DAB1: variants seen among roughly 807,000 people sequenced by gnomAD.
DAB1 encodes disabled homolog 1.
A neutral mutation model predicts 64.6 loss-of-function variants in DAB1; 15 were observed. The observed-to-expected ratio is 0.23, with a 90% CI of 0.16 to 0.36. DAB1 has a LOEUF of 0.36. Among genes scored for constraint, DAB1 ranks in the 10% least tolerant of loss-of-function variants. The pLI is 1.00. For synonymous variants in DAB1, 235 were observed against 251.9 expected (o/e 0.93, Z 0.64); for missense variants, 596 against 706.7 (o/e 0.84, Z 1.78).
chr1:57,639,691 C>G (rs1220646236), intron 7 of DAB1, among the ~76,000 whole-genome samples: 3 of 152,246 alleles, frequency 2.0e-5, no homozygotes, highest in African/African-American at 7.2e-5. Context: ...TCATGCTCAG[C>G]ACTGGGGGTG....
At chr1:57,537,555 C>G (rs1393723975) in intron 7 of DAB1, among the ~76,000 whole-genome samples, 1 of 151,948 alleles carries the variant, frequency 6.6e-6, no homozygotes. Flanking sequence ...AGGGAAAGAG[C>G]CCAGACTTTT....
intron 1 of DAB1, among the ~76,000 whole-genome samples, chr1:58,535,076 C>T (rs1326287370): frequency 1.3e-5 from 2 of 152,138 alleles, no homozygotes; most frequent in Non-Finnish European, 2.9e-5. Context: ...CCAAAATAGA[C>T]ATTTCATTAA....
intron 5 of DAB1, among the ~76,000 whole-genome samples, chr1:58,067,804 G>A (rs12239953): frequency 1.3e-5 from 2 of 152,182 alleles, no homozygotes; most frequent in Admixed American, 6.5e-5. Flanking sequence ...TACAATGAGT[G>A]GGGGGTAATG....
chr1:57,489,637 A>G (rs975345896), intron 7 of DAB1, among the ~76,000 whole-genome samples: 2 of 151,664 alleles, frequency 1.3e-5, no homozygotes, highest in African/African-American at 4.9e-5. Flanking sequence ...ACAGTGTCTA[A>G]CCCAGGGCCT....
intron 5 of DAB1, among the ~76,000 whole-genome samples, chr1:58,117,667 G>A (rs1652420212): frequency 6.6e-6 from 1 of 152,098 alleles, no homozygotes; most frequent in Non-Finnish European, 1.5e-5. Context: ...ATATAGTCCT[G>A]AAGGCAAGTT....
chr1:58,545,800 C>CA (rs1225087266), intron 1 of DAB1, among the ~76,000 whole-genome samples: 1 of 152,026 alleles, frequency 6.6e-6, no homozygotes, highest in East Asian at 1.9e-4. Flanking sequence ...GTCAGATTGG[C>CA]AAAAATAGGA....
Position 57,015,022 on chromosome 1 carries a change from G to A in DAB1, c.1305C>T (p.Ser435=), listed in dbSNP as rs752400588. 1.8e-5 allele frequency: 29 copies of A among 1,613,882 alleles called. No homozygotes were observed. The Admixed American group carries it at 4.8e-4, about 27-fold the overall frequency. The stretch of plus-strand genomic sequence containing the variant: ...AGAAGGCCTCTGAGGTACAGGTGAG[G>A]GAGGGCTGGTCGGGTTTGCGGGAGG... ...PVPSRKPDQP[S]LTCTSEAFSS... is the part of the protein sequence containing the mutation. The change falls in exon 12 of 15, where the codon TCC becomes TCT. Residue 435 remains serine (S), a synonymous_variant. Coordinates refer to ENST00000371236, the MANE Select transcript of DAB1 (RefSeq NM_001365792.1).
intron 5 of DAB1, among the ~76,000 whole-genome samples, chr1:58,052,251 C>G (rs1337576692): frequency 2.0e-5 from 3 of 152,202 alleles, no homozygotes; most frequent in African/African-American, 7.2e-5. Context: ...CCAGTTTCAG[C>G]TTTCTACATG....
chr1:57,144,684 A>T (rs1466159334), intron 3 of DAB1, among the ~76,000 whole-genome samples: 6 of 145,380 alleles, frequency 4.1e-5, no homozygotes, highest in Admixed American at 3.5e-4. Flanking sequence ...ATAGAGTGAG[A>T]CTCCTTCTCA....
chr1:57,417,428 T>C (rs1018896106), intron 1 of DAB1, among the ~76,000 whole-genome samples: 4 of 152,172 alleles, frequency 2.6e-5, no homozygotes, highest in Non-Finnish European at 5.9e-5. Context: ...ATTTTCATGA[T>C]AGAATGAAAA....
intron 6 of DAB1, among the ~76,000 whole-genome samples, chr1:57,721,929 A>G (rs1254997178): frequency 1.3e-5 from 2 of 152,210 alleles, no homozygotes; most frequent in Non-Finnish European, 2.9e-5. Context: ...CACCAAACAC[A>G]GAGAAGATAC....
chr1:57,496,880 A>G (rs1240621185), intron 7 of DAB1, among the ~76,000 whole-genome samples: 1 of 152,174 alleles, frequency 6.6e-6, no homozygotes, highest in Non-Finnish European at 1.5e-5. Flanking sequence ...TTCTTACACA[A>G]CAAGGGGTCC....
At chr1:57,076,263 A>C (rs996103213) in intron 4 of DAB1, among the ~76,000 whole-genome samples, 3 of 152,150 alleles carry the variant, frequency 2.0e-5, no homozygotes, top group Admixed American at 1.3e-4. Flanking sequence ...CCGGAGTGGG[A>C]GGCAGAGGGT....
At chr1:57,065,689 A>G (rs887975298) in intron 8 of DAB1, among the ~76,000 whole-genome samples, 1 of 152,190 alleles carries the variant, frequency 6.6e-6, no homozygotes, top group Admixed American at 6.5e-5. Flanking sequence ...CAGTAACACA[A>G]TGTTTTAGAG....
chr1:57,001,589 C>T (rs1289485112), intron 14 of DAB1, among the ~76,000 whole-genome samples: 1 of 152,176 alleles, frequency 6.6e-6, no homozygotes, highest in East Asian at 1.9e-4. Flanking sequence ...GCCCTCCTGG[C>T]TCCTTGTCAC....
chr1:57,226,956 T>A (rs1021688720), intron 2 of DAB1, among the ~76,000 whole-genome samples: 2 of 151,610 alleles, frequency 1.3e-5, no homozygotes, highest in African/African-American at 2.4e-5. Context: ...GGCAGGAGGA[T>A]TTCTTGAGCC....
At chr1:58,303,454 A>C (rs1417523872) in intron 4 of DAB1, among the ~76,000 whole-genome samples, 2 of 152,298 alleles carry the variant, frequency 1.3e-5, no homozygotes, top group African/African-American at 4.8e-5. Context: ...AGAACAGGTA[A>C]GAAAAACCAG....
chr1:57,801,807 G>A (rs547800686), intron 6 of DAB1, among the ~76,000 whole-genome samples: 143 of 152,210 alleles, frequency 9.4e-4, no homozygotes, highest in African/African-American at 3.2e-3. Context: ...ACAGGCACGT[G>A]CCACCACACC....
chr1:57,646,775 C>A (rs955872503), intron 7 of DAB1, among the ~76,000 whole-genome samples: 3 of 152,036 alleles, frequency 2.0e-5, no homozygotes, highest in African/African-American at 7.2e-5. Context: ...AACAAAACCC[C>A]AAAATACTCT....
Sources: allele counts gnomAD v4.1 joint callset (sites outside exome capture counted in the v4.1 genomes callset), GRCh38; gene constraint gnomAD v4.1.1; transcripts MANE v1.5; gene names NCBI Gene and HGNC (gene_info 2026-07-23, HGNC 2026-07-21).